The following PAPPA2 variants were observed in gnomAD, a reference collection of about 807,000 sequenced individuals.
PAPPA2 encodes the protein pappalysin 2.
A neutral mutation model predicts 176.4 loss-of-function variants in PAPPA2; 86 were observed. The ratio of observed to expected loss-of-function variants is 0.49; its 90% CI spans 0.41 to 0.58. PAPPA2 has a LOEUF of 0.58. Ranked by LOEUF, PAPPA2 falls within the 20% of genes least tolerant of loss-of-function variation. The pLI is 0.00. For synonymous variants in PAPPA2, 809 were observed against 852.2 expected (o/e 0.95, Z 0.88); for missense variants, 2,073 against 2,256.9 (o/e 0.92, Z 1.65).
In PAPPA2 at chr1:176,739,684, G is replaced by A; in HGVS notation, c.3857G>A (p.Gly1286Asp). The change falls in exon 13 of 23, where the codon GGC becomes GAC. Residue 1286 changes from glycine to aspartate, a missense_variant. By Grantham distance (94) the Gly-to-Asp change is moderately conservative. This residue lies in a region of PAPPA2 where 846 missense variants were observed against 857.9 expected (regional missense o/e 0.99). Transcript: ENST00000367662. ...RAIFIFLTTD[G>D]LVPGEHQQPT... ...ATTTTTATTTTTTTGACAACTGATG[G>A]CCTAGTTCCCGGAGAGCATCAGCAG... 1 of 1,613,612 alleles carries A rather than the reference G, an allele frequency of 6.2e-7. No homozygotes were observed. The highest frequency in any genetic ancestry group is 8.5e-7 in the Non-Finnish European group (1 of 1,179,754).
chr1:176,470,469 G>T (rs951252311), intron 1 of PAPPA2, among the ~76,000 whole-genome samples: 1 of 152,120 alleles, frequency 6.6e-6, no homozygotes, highest in Non-Finnish European at 1.5e-5. Context: ...AGACCTAAAA[G>T]CTGGAAAGGC....
At chr1:176,696,245 T>C (rs1206709180) in intron 7 of PAPPA2, among the ~76,000 whole-genome samples, 1 of 150,806 alleles carries the variant, frequency 6.6e-6, no homozygotes, top group Non-Finnish European at 1.5e-5. Context: ...AGCTGACCTC[T>C]TACTCCTCTG....
At chr1:176,465,255 G>C (rs1651562767) in intron 1 of PAPPA2, among the ~76,000 whole-genome samples, 1 of 152,090 alleles carries the variant, frequency 6.6e-6, no homozygotes, top group Admixed American at 6.6e-5. Context: ...TATTTTCTTA[G>C]GATACACTTC....
At chr1:176,615,380 G>C (rs544306583) in intron 3 of PAPPA2, among the ~76,000 whole-genome samples, 27 of 152,278 alleles carry the variant, frequency 1.8e-4, no homozygotes, top group Admixed American at 1.6e-3. Flanking sequence ...GCGCCATCTC[G>C]GCTCGCTGCA....
rs186991041 is a variant in PAPPA2 at position 176,702,361 on chromosome 1, C to T, written c.3237-246C>T. Among the ~76,000 whole-genome samples, 51 of 152,330 alleles carry T rather than the reference C, an allele frequency of 3.3e-4. No homozygotes were observed. In the East Asian group the frequency reaches 3.9e-3, roughly 12 times the overall value. ...CTGGGACTGTTAGGTTCAGTGTTAA[C>T]GCAGCAAGCATTTACTGCGCATTTA... is the stretch of plus-strand genomic sequence containing the variant. On this transcript the variant is annotated intron_variant, in intron 8 of 22. Transcript: ENST00000367662.
chr1:176,627,420 G>A lies in PAPPA2; in HGVS notation c.1991+31825G>A, dbSNP rs145080620. 3.5e-4 allele frequency among the ~76,000 whole-genome samples: 54 copies of A among 152,206 alleles called. 1 individual carries two copies. The Middle Eastern group carries it at 0.01, about 29-fold the overall frequency. Reference sequence around the variant, plus strand: ...TCTCTAAGTCTAATCCCCTTAGCTCGAGAGAAGTTCAATAAATTACACAAA... The same window carrying A: ...TCTCTAAGTCTAATCCCCTTAGCTCAAGAGAAGTTCAATAAATTACACAAA... On this transcript the variant is annotated intron_variant, in intron 3 of 22. Coordinates refer to ENST00000367662, the MANE Select transcript of PAPPA2 (RefSeq NM_020318.3).
intron 2 of PAPPA2, among the ~76,000 whole-genome samples, chr1:176,577,834 A>G (rs1158052428): frequency 6.6e-6 from 1 of 152,056 alleles, no homozygotes; most frequent in African/African-American, 2.4e-5. Flanking sequence ...GTCATGACCT[A>G]ACCTGGCCCT....
At chr1:176,786,633 T>C (rs1343317399) in intron 17 of PAPPA2, among the ~76,000 whole-genome samples, 1 of 152,214 alleles carries the variant, frequency 6.6e-6, no homozygotes, top group East Asian at 1.9e-4. Context: ...GAGGACGCAT[T>C]AATAAAACTG....
At chr1:176,727,652 A>G (rs546949741) in intron 12 of PAPPA2, among the ~76,000 whole-genome samples, 50 of 152,208 alleles carry the variant, frequency 3.3e-4, no homozygotes, top group African/African-American at 1.1e-3. Context: ...AATTCATTTA[A>G]TAAGTAGGCC....
At chr1:176,757,169 G>T (rs189846171) in intron 14 of PAPPA2, among the ~76,000 whole-genome samples, 4 of 152,118 alleles carry the variant, frequency 2.6e-5, no homozygotes, top group African/African-American at 9.7e-5. Context: ...ATAAACATAC[G>T]TGTGCACGTG....
intron 15 of PAPPA2, among the ~76,000 whole-genome samples, chr1:176,769,013 C>A (rs779545662): frequency 5.9e-5 from 9 of 152,196 alleles, no homozygotes; most frequent in Non-Finnish European, 8.8e-5. Flanking sequence ...AGGAAAATCA[C>A]AAGGCGATGG....
chr1:176,642,555 G>C (rs1307030191), intron 3 of PAPPA2, among the ~76,000 whole-genome samples: 1 of 151,858 alleles, frequency 6.6e-6, no homozygotes, highest in Non-Finnish European at 1.5e-5. Flanking sequence ...CAGTTTTGTG[G>C]CTTAAATGGA....
intron 3 of PAPPA2, among the ~76,000 whole-genome samples, chr1:176,669,249 C>T (rs1403021188): frequency 2.6e-5 from 4 of 152,136 alleles, no homozygotes. Context: ...TGAGCCCATG[C>T]TCAGTCTCTG....
chr1:176,791,858 G>A (rs997676714), intron 19 of PAPPA2, among the ~76,000 whole-genome samples: 2 of 152,128 alleles, frequency 1.3e-5, no homozygotes, highest in African/African-American at 4.8e-5. Context: ...GCTGAATCTC[G>A]AATCAGACAC....
intron 3 of PAPPA2, chr1:176,616,565 T>C (rs999111988): frequency 1.4e-6 from 2 of 1,470,780 alleles, no homozygotes; most frequent in African/African-American, 2.8e-5. Flanking sequence ...GGTTGGATGG[T>C]GGTGCACCAT....
chr1:176,799,992 A>T (rs2102948712), intron 20 of PAPPA2, 69 bp from the exon 21 acceptor site: 7 of 1,516,570 alleles, frequency 4.6e-6, no homozygotes, highest in African/African-American at 2.7e-5. Context: ...TGAGCTCAGG[A>T]TTTGCCCCTT....
At chr1:176,586,005 A>G (rs1558454213) in intron 2 of PAPPA2, among the ~76,000 whole-genome samples, 1 of 151,966 alleles carries the variant, frequency 6.6e-6, no homozygotes, top group Non-Finnish European at 1.5e-5. Context: ...AGTACTTTGT[A>G]TATTTCCTTG....
intron 17 of PAPPA2, among the ~76,000 whole-genome samples, chr1:176,774,588 A>C (rs1045928916): frequency 1.3e-5 from 2 of 152,142 alleles, no homozygotes; most frequent in South Asian, 2.1e-4. Flanking sequence ...CCTGCTGCCA[A>C]GTCTCTATAA....
intron 12 of PAPPA2, among the ~76,000 whole-genome samples, chr1:176,720,383 A>T (rs954330719): frequency 6.6e-6 from 1 of 152,108 alleles, no homozygotes; most frequent in African/African-American, 2.4e-5. Context: ...TGTTATCAAC[A>T]TATTATATAT....
Sources: gnomAD v4.1 joint callset for allele counts (sites outside exome capture counted in the v4.1 genomes callset) on GRCh38, gnomAD v4.1.1 for gene constraint, gnomAD v4.1.1 regional missense constraint, MANE v1.5 for transcripts, NCBI Gene and HGNC (gene_info 2026-07-23, HGNC 2026-07-21) for gene names.